The following NRG1 variants were observed in gnomAD, a reference collection of about 807,000 sequenced individuals.
NRG1 encodes the protein neuregulin 1, also known as pro-neuregulin-1, membrane-bound isoform.
NRG1 carries 18 observed loss-of-function variants against 63.8 expected under a neutral mutation model. That is an observed-to-expected ratio of 0.28 (90% CI 0.19 to 0.42). The LOEUF is 0.42. Ranked by LOEUF, NRG1 falls within the 10% of genes least tolerant of loss-of-function variation. The pLI, the probability that NRG1 is intolerant of heterozygous loss-of-function variation, is 1.00. For synonymous variants in NRG1, 302 were observed against 301.3 expected (o/e 1.00, Z -0.02); for missense variants, 762 against 814.7 (o/e 0.94, Z 0.79).
exon 10 of NRG1, chr8:32,759,327 A>T (rs766879329): frequency 6.2e-7 from 1 of 1,613,680 alleles, no homozygotes; most frequent in African/African-American, 1.3e-5. Context: ...TAAAAACGTC[A>T]TCTCCAGTGA....
chr8:32,755,562 G>A (rs16879935), intron 8 of NRG1, among the ~76,000 whole-genome samples: 1,677 of 152,160 alleles, frequency 0.011, 26 homozygotes, highest in African/African-American at 0.039. Flanking sequence ...CACAAAAAGC[G>A]TTACCAGAGT....
intron 1 of NRG1, among the ~76,000 whole-genome samples, chr8:32,591,967 AAAAG>A (rs1309852064): frequency 4.6e-5 from 7 of 152,094 alleles, no homozygotes; most frequent in African/African-American, 1.7e-4. Flanking sequence ...AAAAAAAGAA[AAAAG>A]AACAGACTAA....
chr8:32,386,077 T>C (rs1810984935), intron 1 of NRG1, among the ~76,000 whole-genome samples: 1 of 152,220 alleles, frequency 6.6e-6, no homozygotes, highest in Non-Finnish European at 1.5e-5. Context: ...TAGATTTTAG[T>C]TGCCATTAGC....
chr8:32,416,388 TC>T (rs1815922002), intron 1 of NRG1, among the ~76,000 whole-genome samples: 1 of 150,890 alleles, frequency 6.6e-6, no homozygotes, highest in African/African-American at 2.4e-5. Context: ...CTTCCTTCTT[TC>T]CTTCTGTCTC....
At chr8:32,328,063 C>T (rs558877393) in intron 1 of NRG1, among the ~76,000 whole-genome samples, 39 of 152,278 alleles carry the variant, frequency 2.6e-4, no homozygotes, top group Middle Eastern at 3.4e-3. Context: ...GACTTGAAGT[C>T]AGAGGAAGGA....
At chr8:32,536,780 C>G (rs184343112) in intron 1 of NRG1, among the ~76,000 whole-genome samples, 2 of 151,498 alleles carry the variant, frequency 1.3e-5, no homozygotes, top group African/African-American at 4.9e-5. Flanking sequence ...AAAAATTAGC[C>G]GGGTGTGGTG....
chr8:31,786,972 G>T (rs896938037), intron 1 of NRG1, among the ~76,000 whole-genome samples: 1 of 152,028 alleles, frequency 6.6e-6, no homozygotes, highest in Non-Finnish European at 1.5e-5. Context: ...GTGGGGTGAG[G>T]TTGAAAGTTC....
At chr8:31,931,271 T>C (rs1365856486) in intron 1 of NRG1, among the ~76,000 whole-genome samples, 2 of 152,042 alleles carry the variant, frequency 1.3e-5, no homozygotes, top group Non-Finnish European at 2.9e-5. Flanking sequence ...ACTTCTCTTT[T>C]GGTGGGATCC....
chr8:31,651,188 A>G (rs569666695), intron 1 of NRG1, among the ~76,000 whole-genome samples: 1 of 152,270 alleles, frequency 6.6e-6, no homozygotes, highest in East Asian at 1.9e-4. Context: ...CTTTTCTCCA[A>G]ATCTTATCTC....
At chr8:31,981,488 G>T (rs184809772) in intron 1 of NRG1, among the ~76,000 whole-genome samples, 3 of 152,048 alleles carry the variant, frequency 2.0e-5, no homozygotes, top group East Asian at 3.9e-4. Context: ...TCTATAGAGT[G>T]AACTATATTT....
intron 1 of NRG1, among the ~76,000 whole-genome samples, chr8:31,927,531 C>T (rs1585824230): frequency 6.9e-6 from 1 of 145,938 alleles, no homozygotes; most frequent in Non-Finnish European, 1.5e-5. Flanking sequence ...TCACTGCAAG[C>T]TCCGCCTCCG....
chr8:32,270,981 G>C (rs1851482277), intron 1 of NRG1, among the ~76,000 whole-genome samples: 1 of 151,966 alleles, frequency 6.6e-6, no homozygotes, highest in Non-Finnish European at 1.5e-5. Context: ...AATTAAAGTA[G>C]GTCTTTTTAT....
intron 1 of NRG1, among the ~76,000 whole-genome samples, chr8:32,555,132 T>G (rs1834874475): frequency 6.6e-6 from 1 of 152,202 alleles, no homozygotes. Context: ...AGGGGACATC[T>G]GTCAGATTAA....
chr8:32,719,872 G>A (rs1287175958), intron 5 of NRG1, among the ~76,000 whole-genome samples: 1 of 152,052 alleles, frequency 6.6e-6, no homozygotes, highest in Non-Finnish European at 1.5e-5. Context: ...TTACATGTAT[G>A]TGGATGTTTG....
At chr8:32,283,455 GT>G (rs1853128288) in intron 1 of NRG1, among the ~76,000 whole-genome samples, 1 of 152,120 alleles carries the variant, frequency 6.6e-6, no homozygotes, top group Non-Finnish European at 1.5e-5. Context: ...TAAGTGTTTT[GT>G]TTGTTTAAAG....
chr8:32,493,325 A>G (rs1826819685), intron 1 of NRG1, among the ~76,000 whole-genome samples: 1 of 152,194 alleles, frequency 6.6e-6, no homozygotes, highest in African/African-American at 2.4e-5. Context: ...GCTGCTTAAC[A>G]GACCACTCAC....
At chr8:32,048,746 C>T (rs902469262) in intron 1 of NRG1, among the ~76,000 whole-genome samples, 2 of 151,628 alleles carry the variant, frequency 1.3e-5, no homozygotes, top group Non-Finnish European at 2.9e-5. Context: ...TTCATATGCC[C>T]GATGGCCACT....
intron 1 of NRG1, among the ~76,000 whole-genome samples, chr8:32,014,273 C>T (rs1267099584): frequency 6.6e-6 from 1 of 152,016 alleles, no homozygotes; most frequent in South Asian, 2.1e-4. Context: ...CTTCACGTCC[C>T]TTGTAAGTTG....
chr8:31,907,232 C>A (rs1327839410), intron 1 of NRG1, among the ~76,000 whole-genome samples: 2 of 151,970 alleles, frequency 1.3e-5, no homozygotes, highest in Non-Finnish European at 2.9e-5. Context: ...TGGGTTGATG[C>A]CACAGGAGGA....
Sources: gnomAD v4.1 joint callset for allele counts (sites outside exome capture counted in the v4.1 genomes callset) on GRCh38, gnomAD v4.1.1 for gene constraint, MANE v1.5 for transcripts, NCBI Gene and HGNC (gene_info 2026-07-23, HGNC 2026-07-21) for gene names.